Variants in ANGPT1 observed in about 807,000 individuals in gnomAD.
ANGPT1 encodes angiopoietin-1.
ANGPT1 carries 17 observed loss-of-function variants against 62.2 expected under a neutral mutation model. That is an observed-to-expected ratio of 0.27 (90% CI 0.19 to 0.41). The LOEUF (loss-of-function observed/expected upper bound fraction) is 0.41. ANGPT1 is among the 10% of genes least tolerant of loss of function. The probability of loss-of-function intolerance (pLI) is 1.00; values close to 1 mark genes in which losing one functional copy is unlikely to be tolerated. For synonymous variants in ANGPT1, 199 were observed against 198.9 expected (o/e 1.00, Z 0.00); for missense variants, 478 against 594.9 (o/e 0.80, Z 2.04).
chr8:107,326,347 C>T (rs939552372), intron 3 of ANGPT1, among the ~76,000 whole-genome samples: 1 of 152,120 alleles, frequency 6.6e-6, no homozygotes, highest in Non-Finnish European at 1.5e-5. Flanking sequence ...CACATTTCTT[C>T]ACTTGGAGCG....
intron 1 of ANGPT1, among the ~76,000 whole-genome samples, chr8:107,422,936 G>C (rs1441734902): frequency 6.6e-6 from 1 of 152,096 alleles, no homozygotes; most frequent in Non-Finnish European, 1.5e-5. Flanking sequence ...GCAGTTACCT[G>C]GTGATTTCAG....
At chr8:107,497,171 A>G in intron 1 of ANGPT1, 91 bp downstream of exon 1, 1 of 1,412,270 alleles carries the variant, frequency 7.1e-7, no homozygotes, top group East Asian at 2.3e-5. Flanking sequence ...AAAGGTAAAT[A>G]CACAAATGCT....
rs149418202 is a variant in ANGPT1, at chr8:107,484,401, A to G, written c.297+12861T>C. On this transcript the variant is annotated intron_variant, in intron 1 of 8. Coordinates refer to ENST00000517746, the MANE Select transcript of ANGPT1 (RefSeq NM_001146.5). ...TAATACCTTATTTTAAAAAATCATT[A>G]TTTTTTTCTTTTTGTTTTTGGAGAT... Among the ~76,000 whole-genome samples, 106 of 151,894 alleles carry G rather than the reference A, an allele frequency of 7.0e-4. 1 individual carries two copies. The highest frequency in any genetic ancestry group is 2.2e-3 in the African/African-American group (90 of 41,414).
At chr8:107,383,674 T>G (rs1283083857) in intron 1 of ANGPT1, among the ~76,000 whole-genome samples, 2 of 152,108 alleles carry the variant, frequency 1.3e-5, no homozygotes, top group Non-Finnish European at 2.9e-5. Flanking sequence ...GAAGAGACAT[T>G]CCAACATCAA....
chr8:107,372,606 T>G (rs1329282937), intron 1 of ANGPT1, among the ~76,000 whole-genome samples: 1 of 152,030 alleles, frequency 6.6e-6, no homozygotes, highest in Non-Finnish European at 1.5e-5. Flanking sequence ...AGAGCTGAAA[T>G]GATCACGGCT....
intron 1 of ANGPT1, among the ~76,000 whole-genome samples, chr8:107,484,234 T>C (rs1812758496): frequency 6.6e-6 from 1 of 152,200 alleles, no homozygotes; most frequent in Admixed American, 6.5e-5. Flanking sequence ...GCAATCTGCC[T>C]CAAAGTAAAT....
chr8:107,488,148 A>G (rs2130535533), intron 1 of ANGPT1, among the ~76,000 whole-genome samples: 1 of 152,310 alleles, frequency 6.6e-6, no homozygotes, highest in African/African-American at 2.4e-5. Context: ...TTAAGAGTCT[A>G]AAACAATCTG....
chr8:107,345,848 A>G (rs537774922), intron 2 of ANGPT1, among the ~76,000 whole-genome samples: 3 of 152,304 alleles, frequency 2.0e-5, no homozygotes, highest in Admixed American at 1.3e-4. Flanking sequence ...AATGTGAATC[A>G]CTGCCCCAAT....
Position 107,336,226 on chromosome 8 carries a change from A to C in ANGPT1, c.499T>G (p.Ser167Ala), listed in dbSNP as rs762916715. The change falls in exon 3 of 9, where the codon TCA becomes GCA. Residue 167 changes from serine (S) to alanine (A), a missense_variant. By Grantham distance (99) the Ser-to-Ala change is moderately conservative. This residue lies in a region of ANGPT1 where 343 missense variants were observed against 355.4 expected (regional missense o/e 0.97). Transcript: ENST00000517746. ...SRLEIQLLEN[S>A]LSTYKLEKQL... Reference sequence around the variant, plus strand: ...TTCTCTAGCTTGTAGGTGGATAATGAATTCTCCAGCAGCTGTATCTCAAGT... The same window carrying C: ...TTCTCTAGCTTGTAGGTGGATAATGCATTCTCCAGCAGCTGTATCTCAAGT... The C allele has an allele frequency of 8.1e-6, 13 of 1,608,610 alleles. No homozygotes were observed. Among genetic ancestry groups the C allele is most frequent in the Non-Finnish European group, 1.1e-5 (13 of 1,178,054 alleles).
At chr8:107,448,072 A>T (rs1323384145) in intron 1 of ANGPT1, among the ~76,000 whole-genome samples, 1 of 152,042 alleles carries the variant, frequency 6.6e-6, no homozygotes, top group Admixed American at 6.6e-5. Context: ...TCTGGGATTT[A>T]CTCTCTTATT....
At chr8:107,482,077 C>CG (rs1291352364) in intron 1 of ANGPT1, among the ~76,000 whole-genome samples, 3 of 152,148 alleles carry the variant, frequency 2.0e-5, no homozygotes. Flanking sequence ...GCTGGTATCA[C>CG]GGCTTATATG....
chr8:107,339,082 A>G (rs73701099), intron 2 of ANGPT1, among the ~76,000 whole-genome samples: 1 of 152,230 alleles, frequency 6.6e-6, no homozygotes, highest in Non-Finnish European at 1.5e-5. Flanking sequence ...CTCCATGTCC[A>G]TTGAGAACAA....
At position 107,465,123 on chromosome 8, in the gene ANGPT1, C is replaced by T. The variant is rs117485143; in HGVS notation, c.297+32139G>A. ...GTTGGAATGGAAAGATTCAGACAGG[C>T]TCAGTGGGGTTAACTATGTATAAAT... is the stretch of plus-strand genomic sequence containing the variant. On this transcript the variant is annotated intron_variant, in intron 1 of 8. Coordinates refer to ENST00000517746, the MANE Select transcript of ANGPT1 (RefSeq NM_001146.5). Among the ~76,000 whole-genome samples, 139 of 152,124 alleles carry T rather than the reference C, an allele frequency of 9.1e-4. 1 individual carries two copies. Among genetic ancestry groups the T allele is most frequent in the Non-Finnish European group, 1.6e-3 (110 of 68,002 alleles).
intron 1 of ANGPT1, among the ~76,000 whole-genome samples, chr8:107,457,057 G>A (rs958030850): frequency 1.3e-5 from 2 of 151,998 alleles, no homozygotes; most frequent in African/African-American, 4.8e-5. Context: ...TGTGTCATAT[G>A]CTCTTAATTT....
chr8:107,378,860 A>G (rs191735659), intron 1 of ANGPT1, among the ~76,000 whole-genome samples: 1 of 152,136 alleles, frequency 6.6e-6, no homozygotes, highest in Admixed American at 6.5e-5. Context: ...TCTTTTGTTT[A>G]TAAATTACTC....
At chr8:107,269,313 T>C (rs778168035) in intron 7 of ANGPT1, among the ~76,000 whole-genome samples, 1 of 145,446 alleles carries the variant, frequency 6.9e-6, no homozygotes, top group Non-Finnish European at 1.5e-5. Context: ...TAATTAGATT[T>C]AAAAAAAAAA....
chr8:107,332,316 T>C (rs1815441627), intron 3 of ANGPT1, among the ~76,000 whole-genome samples: 1 of 152,290 alleles, frequency 6.6e-6, no homozygotes, highest in South Asian at 2.1e-4. Context: ...CCAAGTGTTG[T>C]TTCTTTGAGG....
intron 4 of ANGPT1, among the ~76,000 whole-genome samples, chr8:107,317,631 T>A (rs573385732): frequency 0.039 from 2,131 of 54,776 alleles, 22 homozygotes; most frequent in Middle Eastern, 0.1. Flanking sequence ...TATTTTTATT[T>A]TTATTTTTTT....
intron 1 of ANGPT1, among the ~76,000 whole-genome samples, chr8:107,387,276 C>G (rs1319779940): frequency 6.6e-6 from 1 of 152,104 alleles, no homozygotes; most frequent in Non-Finnish European, 1.5e-5. Flanking sequence ...TCTCCAAGTT[C>G]AGATTCCTTT....
Sources: gnomAD v4.1 joint callset for allele counts (sites outside exome capture counted in the v4.1 genomes callset) on GRCh38, gnomAD v4.1.1 for gene constraint, gnomAD v4.1.1 regional missense constraint, MANE v1.5 for transcripts, NCBI Gene and HGNC (gene_info 2026-07-23, HGNC 2026-07-21) for gene names.